RUNX1: variants seen among roughly 807,000 people sequenced by gnomAD.
The protein encoded by RUNX1 is runt-related transcription factor 1.
RUNX1 carries 19 observed loss-of-function variants against 42.8 expected under a neutral mutation model. That is an observed-to-expected ratio of 0.44 (90% CI 0.31 to 0.65). The LOEUF is 0.65. RUNX1 is among the 30% of genes least tolerant of loss of function. The pLI is 0.07. For synonymous variants in RUNX1, 271 were observed against 289.4 expected (o/e 0.94, Z 0.64); for missense variants, 528 against 672.0 (o/e 0.79, Z 2.37).
intron 2 of RUNX1, among the ~76,000 whole-genome samples, chr21:34,919,024 C>A (rs2058334145): frequency 6.6e-6 from 1 of 152,248 alleles, no homozygotes; most frequent in Non-Finnish European, 1.5e-5. Flanking sequence ...TATATCAATT[C>A]ATTATAAATG....
chr21:34,889,415 C>A (rs911195343), intron 3 of RUNX1, among the ~76,000 whole-genome samples: 1 of 152,152 alleles, frequency 6.6e-6, no homozygotes, highest in Non-Finnish European at 1.5e-5. Context: ...CGGGCCGCGG[C>A]TCGATCCCTC....
chr21:34,831,902 G>A (rs1202197281), intron 7 of RUNX1, among the ~76,000 whole-genome samples: 1 of 151,972 alleles, frequency 6.6e-6, no homozygotes, highest in African/African-American at 2.4e-5. Flanking sequence ...TTTTCTTATA[G>A]GAAAGAAAGA....
chr21:34,838,699 G>C (rs554185784), intron 6 of RUNX1, among the ~76,000 whole-genome samples: 2 of 152,254 alleles, frequency 1.3e-5, no homozygotes, highest in South Asian at 4.1e-4. Flanking sequence ...AATGTGTGTA[G>C]AGAACAGCTT....
chr21:34,894,930 T>C (rs60517058), intron 2 of RUNX1, among the ~76,000 whole-genome samples: 4,724 of 84,678 alleles, frequency 0.056, 208 homozygotes, highest in African/African-American at 0.23. Context: ...CACACACACA[T>C]ATTCATATCT....
Position 34,791,219 on chromosome 21 carries a change from T to TGA in RUNX1, c.*915_*916insTC, listed in dbSNP as rs2145867108. ...ACCAAGCGATCACATTACTCATTCT[T>TGA]TTTTTCTAGCCTTCTTCAATGTGAT... is the stretch of plus-strand genomic sequence containing the variant. On this transcript the variant is annotated 3_prime_UTR_variant, in exon 9 of 9. Coordinates refer to ENST00000675419, the MANE Select transcript of RUNX1 (RefSeq NM_001754.5). The TGA allele has an allele frequency of 8.6e-6, 2 of 233,378 alleles. No homozygotes were observed. Among genetic ancestry groups the TGA allele is most frequent in the Non-Finnish European group, 1.7e-5 (2 of 117,882 alleles). The allele number at this position is 233,378 out of a possible 1,614,324, so 14.5% of individuals were successfully genotyped here.
At chr21:34,958,334 G>GAAATTT (rs2058659715) in intron 2 of RUNX1, among the ~76,000 whole-genome samples, 1 of 151,952 alleles carries the variant, frequency 6.6e-6, no homozygotes, top group Non-Finnish European at 1.5e-5. Flanking sequence ...TTGCTCTAAA[G>GAAATTT]ACTCAAACAA....
intron 2 of RUNX1, among the ~76,000 whole-genome samples, chr21:34,992,046 CG>C (rs2058947715): frequency 6.6e-6 from 1 of 152,190 alleles, no homozygotes; most frequent in Non-Finnish European, 1.5e-5. Context: ...GGACTTCTGG[CG>C]TCCAAAGCTG....
rs752298116 is a variant in RUNX1 at position 34,887,048 on chromosome 21, G to A, written c.146C>T (p.Pro49Leu). Residue 49 changes from proline to leucine, a missense_variant, in exon 4 of 9, where the codon CCA (proline) becomes CTA (leucine). Transcript: ENST00000675419. Reference sequence around the variant, plus strand: ...CGGCAACGCCTCGCTCATCTTGCCTGGGCTCAGCGCGGTGGAAGGCGGCGT... The same window carrying A: ...CGGCAACGCCTCGCTCATCTTGCCTAGGCTCAGCGCGGTGGAAGGCGGCGT... ...RFTPPSTALS[P>L]GKMSEALPLG... 49 of 1,600,776 alleles carry A rather than the reference G, an allele frequency of 3.1e-5. No individual in the cohort carries two copies. Among genetic ancestry groups the A allele is most frequent in the Non-Finnish European group, 3.7e-5 (44 of 1,179,852 alleles).
In RUNX1 at chr21:35,037,929, T is replaced by TA. The variant is rs2059321362; in HGVS notation, c.58+10912_58+10913insT. Among the ~76,000 whole-genome samples, 2 of 151,456 alleles carry TA rather than the reference T, an allele frequency of 1.3e-5. 1 individual carries two copies. The highest frequency in any genetic ancestry group is 4.2e-4 in the South Asian group (2 of 4,774). On this transcript the variant is annotated intron_variant, in intron 2 of 8. Transcript: ENST00000675419. ...GATGAGAGAGGCAGACATTTCTTTT[T>TA]TTTTTTTTATCTTCATACATGCCCA... is the stretch of plus-strand genomic sequence containing the variant.
chr21:34,849,244 C>T (rs866469490), intron 6 of RUNX1, among the ~76,000 whole-genome samples: 3 of 76,216 alleles, frequency 3.9e-5, no homozygotes, highest in Middle Eastern at 6.7e-3. Flanking sequence ...AAGAACTTTG[C>T]TTTGGGTACA....
At chr21:34,995,687 C>T (rs778628724) in intron 2 of RUNX1, among the ~76,000 whole-genome samples, 6 of 152,138 alleles carry the variant, frequency 3.9e-5, no homozygotes, top group South Asian at 2.1e-4. Flanking sequence ...GCCATTCACC[C>T]GCCTTGGCCT....
chr21:34,955,366 T>G (rs1020649292), intron 2 of RUNX1, among the ~76,000 whole-genome samples: 1 of 152,174 alleles, frequency 6.6e-6, no homozygotes, highest in Non-Finnish European at 1.5e-5. Flanking sequence ...CCATGGTAAG[T>G]GCTCCATATA....
chr21:34,822,230 G>A (rs577518928), intron 7 of RUNX1, among the ~76,000 whole-genome samples: 131 of 152,322 alleles, frequency 8.6e-4, no homozygotes, highest in African/African-American at 3.1e-3. Flanking sequence ...GCTGGGTCAC[G>A]TGAAAACAAA....
chr21:34,815,036 C>T (rs2056806612), intron 7 of RUNX1, among the ~76,000 whole-genome samples: 1 of 151,080 alleles, frequency 6.6e-6, no homozygotes. Flanking sequence ...AAATGAACAA[C>T]CTTTCCAAAA....
At chr21:34,999,069 A>C (rs2059020585) in intron 2 of RUNX1, among the ~76,000 whole-genome samples, 1 of 152,238 alleles carries the variant, frequency 6.6e-6, no homozygotes, top group African/African-American at 2.4e-5. Context: ...TGTGCTGGCC[A>C]TCAGCACTGG....
intron 2 of RUNX1, among the ~76,000 whole-genome samples, chr21:34,997,491 G>A (rs1023650237): frequency 6.6e-6 from 1 of 152,320 alleles, no homozygotes; most frequent in Admixed American, 6.5e-5. Flanking sequence ...CCAGATAGCC[G>A]GAGGAAAGGG....
chr21:35,042,780 C>T (rs1244267471), intron 2 of RUNX1, among the ~76,000 whole-genome samples: 1 of 152,226 alleles, frequency 6.6e-6, no homozygotes, highest in Non-Finnish European at 1.5e-5. Context: ...TGCCCGTCTG[C>T]TCAAGCCACT....
At chr21:35,001,553 A>G (rs1601658570) in intron 2 of RUNX1, among the ~76,000 whole-genome samples, 1 of 152,164 alleles carries the variant, frequency 6.6e-6, no homozygotes, top group South Asian at 2.1e-4. Context: ...ACCGAATGAT[A>G]AACTACTGAA....
At chr21:35,023,718 T>C (rs2242893) in intron 2 of RUNX1, among the ~76,000 whole-genome samples, 70,677 of 151,794 alleles carry the variant, frequency 0.47, 17,069 homozygotes, top group Middle Eastern at 0.51. Flanking sequence ...GGGTGGGAAA[T>C]GAAAGGGGGG....
Sources: gnomAD v4.1 joint callset for allele counts (sites outside exome capture counted in the v4.1 genomes callset) on GRCh38, gnomAD v4.1.1 for gene constraint, MANE v1.5 for transcripts, NCBI Gene and HGNC (gene_info 2026-07-23, HGNC 2026-07-21) for gene names.